PCDHGA7: variants seen among roughly 807,000 people sequenced by gnomAD.
PCDHGA7 encodes protocadherin gamma-A7.
Under a neutral mutation model 58.3 loss-of-function variants are expected in PCDHGA7, and 44 were observed. That is an observed-to-expected ratio of 0.75 (90% CI 0.59 to 0.97). The LOEUF (loss-of-function observed/expected upper bound fraction) is 0.97, where lower values mean the gene tolerates loss of function less well. Ranked by LOEUF, PCDHGA7 falls within the 50% of genes least tolerant of loss-of-function variation. The pLI is 0.00. For synonymous variants in PCDHGA7, 516 were observed against 504.2 expected (o/e 1.02, Z -0.31); for missense variants, 1,266 against 1,188.7 (o/e 1.06, Z -0.96).
At chr5:141,393,792 C>A (rs757880855) in intron 1 of PCDHGA7, 1 of 1,613,908 alleles carries the variant, frequency 6.2e-7, no homozygotes, top group Non-Finnish European at 8.5e-7. Flanking sequence ...TGTGGGGGCA[C>A]TTCTGGGGAG....
intron 1 of PCDHGA7, among the ~76,000 whole-genome samples, chr5:141,455,580 T>C (rs572453788): frequency 6.6e-6 from 1 of 152,142 alleles, no homozygotes; most frequent in East Asian, 1.9e-4. Flanking sequence ...ACCCCAGCCT[T>C]TTAATATGCA....
intron 1 of PCDHGA7, chr5:141,422,006 C>G: frequency 6.2e-7 from 1 of 1,609,754 alleles, no homozygotes; most frequent in Non-Finnish European, 8.5e-7. Flanking sequence ...AGCTCCGGAA[C>G]TCGGGTGCTG....
In PCDHGA7 at chr5:141,487,237, T is replaced by A. The variant is rs1327004790; in HGVS notation, c.2425-7570T>A. 1.2e-6 allele frequency: 2 copies of A among 1,614,122 alleles called. No individual in the cohort carries two copies. The highest frequency in any genetic ancestry group is 1.7e-6 in the Non-Finnish European group (2 of 1,179,980). On this transcript the variant is annotated intron_variant, in intron 1 of 3. Coordinates refer to ENST00000518325, the MANE Select transcript of PCDHGA7 (RefSeq NM_018920.4). This position sits in a 1 kb window ranked among gnomAD's most constrained non-coding sequence, Gnocchi z 5.0. ...CAGCTCCAAGGGAAGGAGAATCTCGTCTAACCCTCTACTTGGCTGTGTCCC... is the reference window on the plus strand; with the variant it reads ...CAGCTCCAAGGGAAGGAGAATCTCGACTAACCCTCTACTTGGCTGTGTCCC...
chr5:141,431,901 A>G lies in PCDHGA7; in HGVS notation c.2424+46578A>G, dbSNP rs1373642371. 5.0e-6 allele frequency: 8 copies of G among 1,613,872 alleles called. No homozygotes were observed. The highest frequency in any genetic ancestry group is 1.6e-4 in the Middle Eastern group (1 of 6,062). On this transcript the variant is annotated intron_variant, in intron 1 of 3. Coordinates refer to ENST00000518325, the MANE Select transcript of PCDHGA7 (RefSeq NM_018920.4). This position sits in a 1 kb window ranked among gnomAD's most constrained non-coding sequence, Gnocchi z 4.8. Reference sequence around the variant, plus strand: ...GACCAAGATTCTGAGGAAAACGGACAGGTGATCTGTTTCATCCAAGGAAAT... The same window carrying G: ...GACCAAGATTCTGAGGAAAACGGACGGGTGATCTGTTTCATCCAAGGAAAT...
intron 1 of PCDHGA7, chr5:141,414,817 A>C: frequency 6.2e-7 from 1 of 1,614,214 alleles, no homozygotes; most frequent in Non-Finnish European, 8.5e-7. Context: ...TCCACTCAGC[A>C]GCAACGTGTC....
intron 2 of PCDHGA7, among the ~76,000 whole-genome samples, chr5:141,502,352 C>G (rs544911376): frequency 3.2e-4 from 49 of 151,888 alleles, no homozygotes; most frequent in African/African-American, 1.2e-3. Flanking sequence ...TTTTTAATGA[C>G]ATGGATATTT....
intron 1 of PCDHGA7, chr5:141,419,088 T>G (rs2096325159): frequency 1.2e-6 from 2 of 1,613,940 alleles, no homozygotes; most frequent in Non-Finnish European, 1.7e-6. Flanking sequence ...GATGAGGCCC[T>G]GGATCGGGAG....
Position 141,489,111 on chromosome 5 carries a change from C to T in PCDHGA7, c.2425-5696C>T. The T allele has an allele frequency of 1.9e-6, 1 of 518,040 alleles. No individual in the cohort carries two copies. Among genetic ancestry groups the T allele is most frequent in the African/African-American group, 1.9e-5 (1 of 51,336 alleles). The allele number at this position is 518,040 out of a possible 1,614,324, so 32.1% of individuals were successfully genotyped here. ...GTGACTAAGAACTGCTGCAAGCAGG[C>T]AAACCTCCGAGCAGTTTTTAAGAGG... On this transcript the variant is annotated intron_variant, in intron 1 of 3. Transcript: ENST00000518325. This position sits in a 1 kb window ranked among gnomAD's most constrained non-coding sequence, Gnocchi z 4.5.
At chr5:141,441,635 G>T in intron 1 of PCDHGA7, 1 of 226,720 alleles carries the variant, frequency 4.4e-6, no homozygotes, top group Non-Finnish European at 8.9e-6. Flanking sequence ...TGGAGCCACA[G>T]GCGCTGTGAT....
At chr5:141,434,713 T>C (rs1377558306) in intron 1 of PCDHGA7, among the ~76,000 whole-genome samples, 1 of 152,088 alleles carries the variant, frequency 6.6e-6, no homozygotes, top group Non-Finnish European at 1.5e-5. Flanking sequence ...GGTAAATCTC[T>C]GTTCAGGGCT....
chr5:141,430,493 C>G (rs1232369484), intron 1 of PCDHGA7: 1 of 285,344 alleles, frequency 3.5e-6, no homozygotes, highest in African/African-American at 2.2e-5. Flanking sequence ...ACGAAATATC[C>G]TTTCTGGGAG....
At position 141,412,100 on chromosome 5, in the gene PCDHGA7, C is replaced by T. The variant is rs1041242156; in HGVS notation, c.2424+26777C>T. On this transcript the variant is annotated intron_variant, in intron 1 of 3. Coordinates refer to ENST00000518325, the MANE Select transcript of PCDHGA7 (RefSeq NM_018920.4). ...TTGCTACTGGGTTGATGGGCACACA[C>T]AGTTGAAGATATGTGAACCACTGGA... The T allele has an allele frequency of 2.0e-5, 3 of 152,180 alleles. No homozygotes were observed. In the South Asian group the frequency reaches 6.2e-4, roughly 31 times the overall value. 9.4% of individuals were successfully genotyped at this position (152,180 alleles called of 1,614,324 possible).
chr5:141,409,711 A>T (rs768917889), intron 1 of PCDHGA7: 1 of 1,613,204 alleles, frequency 6.2e-7, no homozygotes, highest in Non-Finnish European at 8.5e-7. Flanking sequence ...CGGTGTCGTC[A>T]TACGTGTCAG....
chr5:141,390,043 C>T, intron 1 of PCDHGA7: 2 of 1,614,064 alleles, frequency 1.2e-6, no homozygotes, highest in Non-Finnish European at 8.5e-7. Flanking sequence ...TCCAGCCCCG[C>T]CTCCTGGAGC....
chr5:141,394,100 A>G (rs370480326), intron 1 of PCDHGA7: 2 of 1,613,942 alleles, frequency 1.2e-6, no homozygotes, highest in Non-Finnish European at 1.7e-6. Context: ...ATCTAGGAAC[A>G]CCACCTCTGT....
chr5:141,399,796 C>A (rs62621781), intron 1 of PCDHGA7: 1 of 1,613,212 alleles, frequency 6.2e-7, no homozygotes. Context: ...CAACGCACCG[C>A]GGGTGCTGTA....
At chr5:141,438,591 C>CATACATAT (rs1228520343) in intron 1 of PCDHGA7, among the ~76,000 whole-genome samples, 2 of 75,562 alleles carry the variant, frequency 2.6e-5, no homozygotes, top group African/African-American at 4.5e-5. Context: ...TACATACATA[C>CATACATAT]ATATATATAT....
In PCDHGA7 at chr5:141,480,546, G is replaced by A. The variant is rs184388425; in HGVS notation, c.2425-14261G>A. Reference sequence around the variant, plus strand: ...GACAAAGTAGAAGCACATATGAAAAGGCTAAGAAAGCATGAAAGCCAGCAA... The same window carrying A: ...GACAAAGTAGAAGCACATATGAAAAAGCTAAGAAAGCATGAAAGCCAGCAA... On this transcript the variant is annotated intron_variant, in intron 1 of 3. Coordinates refer to ENST00000518325, the MANE Select transcript of PCDHGA7 (RefSeq NM_018920.4). 4.9e-4 allele frequency among the ~76,000 whole-genome samples: 63 copies of A among 128,620 alleles called. 1 individual carries two copies. Among genetic ancestry groups the A allele is most frequent in the Middle Eastern group, 4.2e-3 (1 of 236 alleles). The allele number at this position is 128,620 out of a possible 152,430, so 84.4% of individuals were successfully genotyped here. A position where few individuals can be genotyped will look rare whatever the true frequency, so the allele number is the denominator to read the frequency against.
chr5:141,494,832 G>T lies in PCDHGA7; in HGVS notation c.2450G>T (p.Arg817Leu). 1 of 1,614,066 alleles carries T rather than the reference G, an allele frequency of 6.2e-7. No homozygotes were observed. ...CAAGCCCCGCCCAACACGGACTGGCGTTTCTCTCAGGCCCAGAGACCCGGC... is the reference window on the plus strand; with the variant it reads ...CAAGCCCCGCCCAACACGGACTGGCTTTTCTCTCAGGCCCAGAGACCCGGC... The part of the protein sequence containing the change: ...IQQAPPNTDW[R>L]FSQAQRPGTS... The change falls in exon 2 of 4, where the codon CGT becomes CTT. Residue 817 changes from arginine to leucine, a missense_variant. Transcript: ENST00000518325.
Sources: allele counts gnomAD v4.1 joint callset (sites outside exome capture counted in the v4.1 genomes callset), GRCh38; gene constraint gnomAD v4.1.1; non-coding constraint Gnocchi (gnomAD v3.1); transcripts MANE v1.5; gene names NCBI Gene and HGNC (gene_info 2026-07-23, HGNC 2026-07-21).